Variants in CHST11 observed in about 807,000 individuals in gnomAD.
CHST11 encodes the protein carbohydrate sulfotransferase 11, also known as C4S-1.
A neutral mutation model predicts 30.4 loss-of-function variants in CHST11; 9 were observed. The observed-to-expected ratio is 0.30, with a 90% CI of 0.18 to 0.52. The LOEUF (loss-of-function observed/expected upper bound fraction) is 0.52. CHST11 is among the 20% of genes least tolerant of loss of function. The pLI, the probability that CHST11 is intolerant of heterozygous loss-of-function variation, is 0.97. For synonymous variants in CHST11, 152 were observed against 187.8 expected (o/e 0.81, Z 1.56); for missense variants, 348 against 460.6 (o/e 0.76, Z 2.24).
At position 104,714,133 on chromosome 12, in the gene CHST11, T is replaced by C. The variant is rs148807514; in HGVS notation, c.205-42816T>C. The stretch of plus-strand genomic sequence containing the variant: ...GTACAAGCACATGGATGTTTATATA[T>C]GTATCTCAAAGGTCAGAGCATGTGA... On this transcript the variant is annotated intron_variant, in intron 2 of 2. Transcript: ENST00000303694. 1.1e-3 allele frequency among the ~76,000 whole-genome samples: 163 copies of C among 152,304 alleles called. 1 individual carries two copies. Among genetic ancestry groups the C allele is most frequent in the African/African-American group, 3.6e-3 (149 of 41,560 alleles).
chr12:104,514,850 A>T (rs977917597), intron 1 of CHST11, among the ~76,000 whole-genome samples: 1 of 152,180 alleles, frequency 6.6e-6, no homozygotes, highest in African/African-American at 2.4e-5. Flanking sequence ...TTAACATGAG[A>T]TTTGGAGGGG....
chr12:104,648,228 ACT>A (rs951847028), intron 2 of CHST11, among the ~76,000 whole-genome samples: 1 of 151,874 alleles, frequency 6.6e-6, no homozygotes, highest in Non-Finnish European at 1.5e-5. Context: ...CCACTGTTTC[ACT>A]CTCATAGGGC....
chr12:104,745,518 T>C (rs2040383097), intron 2 of CHST11, among the ~76,000 whole-genome samples: 1 of 152,212 alleles, frequency 6.6e-6, no homozygotes, highest in Non-Finnish European at 1.5e-5. Flanking sequence ...AATATATAAA[T>C]TGCTTTAGGC....
intron 2 of CHST11, among the ~76,000 whole-genome samples, chr12:104,655,155 G>T (rs1372217085): frequency 6.6e-6 from 1 of 152,222 alleles, no homozygotes; most frequent in Non-Finnish European, 1.5e-5. Flanking sequence ...ATGGCAGAGG[G>T]CTTTGTCAAG....
chr12:104,464,951 A>AT (rs969400978), intron 1 of CHST11, among the ~76,000 whole-genome samples: 15 of 151,968 alleles, frequency 9.9e-5, no homozygotes, highest in South Asian at 2.1e-4. Flanking sequence ...TCCAGAACAT[A>AT]TTTTTTTCAC....
chr12:104,743,058 A>G (rs1435621817), intron 2 of CHST11, among the ~76,000 whole-genome samples: 1 of 152,222 alleles, frequency 6.6e-6, no homozygotes, highest in East Asian at 1.9e-4. Context: ...TGACCCGAAC[A>G]ATCCCTGCTG....
chr12:104,573,441 G>T (rs1487612188), intron 1 of CHST11, among the ~76,000 whole-genome samples: 1 of 152,016 alleles, frequency 6.6e-6, no homozygotes, highest in African/African-American at 2.4e-5. Context: ...GAGGCATCAC[G>T]CTACCTGACT....
At chr12:104,697,363 G>A (rs138679024) in intron 2 of CHST11, among the ~76,000 whole-genome samples, 1 of 152,200 alleles carries the variant, frequency 6.6e-6, no homozygotes, top group Non-Finnish European at 1.5e-5. Context: ...TTCCTCTCCA[G>A]TGTGGCCGGG....
At chr12:104,564,450 G>T (rs2038541607) in intron 1 of CHST11, among the ~76,000 whole-genome samples, 1 of 152,222 alleles carries the variant, frequency 6.6e-6, no homozygotes, top group African/African-American at 2.4e-5. Context: ...AGATCATAGT[G>T]TCCACCTCAT....
chr12:104,541,461 G>T (rs573784758), intron 1 of CHST11, among the ~76,000 whole-genome samples: 1 of 152,182 alleles, frequency 6.6e-6, no homozygotes, highest in South Asian at 2.1e-4. Context: ...ACAAAATAAC[G>T]ATGGTGTTTT....
At chr12:104,529,457 T>C (rs1426992114) in intron 1 of CHST11, among the ~76,000 whole-genome samples, 1 of 152,236 alleles carries the variant, frequency 6.6e-6, no homozygotes. Flanking sequence ...GTACTTGTTT[T>C]ATCAATTCAG....
chr12:104,571,582 A>G (rs367950012), intron 1 of CHST11, among the ~76,000 whole-genome samples: 11 of 152,348 alleles, frequency 7.2e-5, no homozygotes, highest in African/African-American at 2.4e-4. Flanking sequence ...AGAGAGGGTC[A>G]TGGCTTGTGA....
chr12:104,635,893 C>T (rs899051657), intron 2 of CHST11, among the ~76,000 whole-genome samples: 1 of 152,208 alleles, frequency 6.6e-6, no homozygotes, highest in Non-Finnish European at 1.5e-5. Flanking sequence ...GAAAACAGCT[C>T]CCAGGCCAAC....
At chr12:104,712,373 G>T (rs192829491) in intron 2 of CHST11, among the ~76,000 whole-genome samples, 4 of 152,190 alleles carry the variant, frequency 2.6e-5, no homozygotes, top group Admixed American at 1.3e-4. Context: ...AGTCCATTTT[G>T]ATCTCGTATT....
intron 1 of CHST11, among the ~76,000 whole-genome samples, chr12:104,549,411 C>G (rs2038384102): frequency 6.6e-6 from 1 of 152,138 alleles, no homozygotes; most frequent in South Asian, 2.1e-4. Flanking sequence ...AGAAAGAGGG[C>G]AAGAACTGTT....
chr12:104,699,856 A>G (rs2039977314), intron 2 of CHST11, among the ~76,000 whole-genome samples: 1 of 152,192 alleles, frequency 6.6e-6, no homozygotes, highest in Non-Finnish European at 1.5e-5. Flanking sequence ...TGCTGCCTCC[A>G]GCTTGAGAGT....
intron 1 of CHST11, among the ~76,000 whole-genome samples, chr12:104,549,567 AAAC>A (rs1349838442): frequency 6.6e-6 from 1 of 152,188 alleles, no homozygotes; most frequent in Non-Finnish European, 1.5e-5. Flanking sequence ...CAGTGTGGGA[AAAC>A]AAAGGAAGGG....
intron 2 of CHST11, among the ~76,000 whole-genome samples, chr12:104,687,775 C>T (rs957415072): frequency 4.0e-5 from 6 of 151,690 alleles, no homozygotes; most frequent in African/African-American, 9.7e-5. Context: ...CAGCGGCCCC[C>T]GCCCCCCCCA....
At chr12:104,548,735 C>T (rs951541026) in intron 1 of CHST11, among the ~76,000 whole-genome samples, 1 of 152,160 alleles carries the variant, frequency 6.6e-6, no homozygotes, top group Non-Finnish European at 1.5e-5. Flanking sequence ...CTTGCTTGGG[C>T]CATTCAGGTG....
Sources: gnomAD v4.1 joint callset for allele counts (sites outside exome capture counted in the v4.1 genomes callset) on GRCh38, gnomAD v4.1.1 for gene constraint, MANE v1.5 for transcripts, NCBI Gene and HGNC (gene_info 2026-07-23, HGNC 2026-07-21) for gene names.